The following KCNAB1 variants were observed in gnomAD, a reference collection of about 807,000 sequenced individuals.
The protein encoded by KCNAB1 is potassium voltage-gated channel subfamily A regulatory beta subunit 1.
KCNAB1 carries 35 observed loss-of-function variants against 64.6 expected under a neutral mutation model. That is an observed-to-expected ratio of 0.54 (90% confidence interval 0.41 to 0.72). The LOEUF (loss-of-function observed/expected upper bound fraction) is 0.72. Among genes scored for constraint, KCNAB1 ranks in the 30% least tolerant of loss-of-function variants. KCNAB1 has a pLI of 0.00. For missense variants in KCNAB1, 401 were observed against 512.9 expected (o/e 0.78, Z 2.11); for synonymous variants, 177 against 183.8 (o/e 0.96, Z 0.30).
At chr3:156,259,875 C>T (rs762031244) in intron 1 of KCNAB1, among the ~76,000 whole-genome samples, 3 of 152,190 alleles carry the variant, frequency 2.0e-5, no homozygotes, top group Non-Finnish European at 4.4e-5. Context: ...GGTGAGGCTG[C>T]CTCTGCAGCC....
intron 1 of KCNAB1, among the ~76,000 whole-genome samples, chr3:156,264,586 A>G (rs1718596198): frequency 6.6e-6 from 1 of 152,082 alleles, no homozygotes; most frequent in Admixed American, 6.6e-5. Context: ...TTAACTTATC[A>G]CAATATACTT....
intron 1 of KCNAB1, among the ~76,000 whole-genome samples, chr3:156,146,524 A>G (rs951805554): frequency 2.6e-5 from 4 of 152,198 alleles, no homozygotes; most frequent in Non-Finnish European, 5.9e-5. Flanking sequence ...CAATCTTATA[A>G]TACTAACATT....
chr3:156,182,629 TCC>T (rs71138700), intron 1 of KCNAB1, among the ~76,000 whole-genome samples: 1 of 120,444 alleles, frequency 8.3e-6, no homozygotes, highest in Admixed American at 9.0e-5. Flanking sequence ...GGTTTTTTTT[TCC>T]CCCCCCCGGG....
At chr3:156,157,619 A>G (rs191823284) in intron 1 of KCNAB1, among the ~76,000 whole-genome samples, 16 of 152,292 alleles carry the variant, frequency 1.1e-4, no homozygotes, top group Admixed American at 1.0e-3. Context: ...TTATTCAGAA[A>G]TTCTATTTGC....
chr3:156,438,719 T>C (rs191607526), intron 2 of KCNAB1, among the ~76,000 whole-genome samples: 17 of 152,300 alleles, frequency 1.1e-4, no homozygotes, highest in Admixed American at 1.1e-3. Flanking sequence ...ATTGAAATCA[T>C]TGACAGTGTA....
chr3:156,505,692 T>C (rs1716788816), intron 8 of KCNAB1, among the ~76,000 whole-genome samples: 1 of 152,208 alleles, frequency 6.6e-6, no homozygotes, highest in African/African-American at 2.4e-5. Flanking sequence ...AGGTAATTTA[T>C]AAAGAAAAGA....
rs1046523943 is a variant in KCNAB1, at chr3:156,470,103, G to A, written c.571+4417G>A. Among the ~76,000 whole-genome samples, 7 of 152,172 alleles carry A rather than the reference G, an allele frequency of 4.6e-5. No homozygotes were observed. In the South Asian group the frequency reaches 8.3e-4, roughly 18 times the overall value. Reference sequence around the variant, plus strand: ...ACAGAGTATACAATGAGCTTGATTTGTGCTTAATGTAGGTTTGAAAGAATT... The same window carrying A: ...ACAGAGTATACAATGAGCTTGATTTATGCTTAATGTAGGTTTGAAAGAATT... On this transcript the variant is annotated intron_variant, in intron 7 of 13. Coordinates refer to ENST00000490337, the MANE Select transcript of KCNAB1 (RefSeq NM_172160.3).
chr3:156,304,374 G>A (rs1272970506), intron 1 of KCNAB1, among the ~76,000 whole-genome samples: 2 of 152,204 alleles, frequency 1.3e-5, no homozygotes, highest in African/African-American at 2.4e-5. Context: ...GGGGAAGCAA[G>A]CGATGTTATG....
intron 1 of KCNAB1, among the ~76,000 whole-genome samples, chr3:156,228,223 A>G (rs1716302232): frequency 6.6e-6 from 1 of 152,014 alleles, no homozygotes; most frequent in Non-Finnish European, 1.5e-5. Flanking sequence ...GCCCTCAGAT[A>G]GTGCACAGTC....
intron 1 of KCNAB1, among the ~76,000 whole-genome samples, chr3:156,229,936 G>C (rs888009166): frequency 6.6e-6 from 1 of 152,132 alleles, no homozygotes; most frequent in African/African-American, 2.4e-5. Flanking sequence ...GGCATAGTAT[G>C]GGAAAACATT....
intron 1 of KCNAB1, among the ~76,000 whole-genome samples, chr3:156,269,097 ACTAT>A (rs1718886879): frequency 6.6e-6 from 1 of 152,196 alleles, no homozygotes; most frequent in Admixed American, 6.5e-5. Flanking sequence ...TTTTCCCAGC[ACTAT>A]CTATTGAAAA....
intron 1 of KCNAB1, among the ~76,000 whole-genome samples, chr3:156,200,577 A>G (rs567882333): frequency 1.2e-4 from 19 of 152,302 alleles, no homozygotes; most frequent in African/African-American, 4.3e-4. Context: ...CACTGTGGTG[A>G]ATTCCGCAGA....
At chr3:156,461,336 C>G (rs936493514) in intron 5 of KCNAB1, among the ~76,000 whole-genome samples, 19 of 152,218 alleles carry the variant, frequency 1.2e-4, no homozygotes, top group African/African-American at 1.9e-4. Flanking sequence ...CTTGCTTCCT[C>G]TTAGCTTCCA....
intron 1 of KCNAB1, among the ~76,000 whole-genome samples, chr3:156,274,460 G>A (rs956076705): frequency 3.3e-5 from 5 of 152,018 alleles, no homozygotes; most frequent in African/African-American, 1.2e-4. Flanking sequence ...TAATTACATG[G>A]ACATTGTAAA....
chr3:156,374,381 C>T (rs816545), intron 1 of KCNAB1, among the ~76,000 whole-genome samples: 6,387 of 137,760 alleles, frequency 0.046, 1,082 homozygotes, highest in South Asian at 0.07. Context: ...CTAATTTTGG[C>T]CATGAATTCC....
At chr3:156,397,947 A>T (rs1318808903) in intron 1 of KCNAB1, among the ~76,000 whole-genome samples, 1 of 152,230 alleles carries the variant, frequency 6.6e-6, no homozygotes, top group African/African-American at 2.4e-5. Context: ...ACTATAGTAG[A>T]TATTTTCCAA....
At chr3:156,236,108 CAAT>C (rs1716833755) in intron 1 of KCNAB1, among the ~76,000 whole-genome samples, 1 of 152,122 alleles carries the variant, frequency 6.6e-6, no homozygotes, top group African/African-American at 2.4e-5. Context: ...ACAATAATCA[CAAT>C]AATAATTATA....
intron 1 of KCNAB1, among the ~76,000 whole-genome samples, chr3:156,157,658 G>T (rs530992273): frequency 6.2e-4 from 94 of 152,240 alleles, no homozygotes; most frequent in African/African-American, 2.2e-3. Flanking sequence ...TGCATGTGTA[G>T]AATGTTCCAC....
intron 8 of KCNAB1, among the ~76,000 whole-genome samples, chr3:156,485,678 G>A (rs1715154958): frequency 6.6e-6 from 1 of 151,922 alleles, no homozygotes; most frequent in South Asian, 2.1e-4. Context: ...TGGGCTTCTA[G>A]TGAACTGATC....
Sources: allele counts gnomAD v4.1 joint callset (sites outside exome capture counted in the v4.1 genomes callset), GRCh38; gene constraint gnomAD v4.1.1; transcripts MANE v1.5; gene names NCBI Gene and HGNC (gene_info 2026-07-23, HGNC 2026-07-21).